The following SLC17A6 variants were observed in gnomAD, a reference collection of about 807,000 sequenced individuals.
SLC17A6 encodes solute carrier family 17 member 6.
Under a neutral mutation model 67.1 loss-of-function variants are expected in SLC17A6, and 35 were observed. That is an observed-to-expected ratio of 0.52 (90% CI 0.40 to 0.69). SLC17A6 has a LOEUF of 0.69. SLC17A6 is among the 30% of genes least tolerant of loss of function. The probability of loss-of-function intolerance (pLI) is 0.00; values close to 1 mark genes in which losing one functional copy is unlikely to be tolerated. For synonymous variants in SLC17A6, 285 were observed against 252.3 expected (o/e 1.13, Z -1.23); for missense variants, 588 against 723.9 (o/e 0.81, Z 2.15).
At chr11:22,363,640 A>G (rs926719922) in intron 6 of SLC17A6, among the ~76,000 whole-genome samples, 2 of 152,176 alleles carry the variant, frequency 1.3e-5, no homozygotes, top group African/African-American at 2.4e-5. Flanking sequence ...AAATGTTCTC[A>G]TCAGAACAAA....
chr11:22,356,327 C>T (rs1309410853), intron 3 of SLC17A6, among the ~76,000 whole-genome samples: 3 of 151,998 alleles, frequency 2.0e-5, no homozygotes, highest in Non-Finnish European at 4.4e-5. Flanking sequence ...TCAATTTTGG[C>T]TGTGTGGCAA....
At chr11:22,350,971 T>C (rs988443190) in intron 3 of SLC17A6, among the ~76,000 whole-genome samples, 3 of 152,212 alleles carry the variant, frequency 2.0e-5, no homozygotes, top group East Asian at 3.9e-4. Context: ...CTGCCTGATA[T>C]TATATAAAAC....
intron 3 of SLC17A6, among the ~76,000 whole-genome samples, chr11:22,355,389 C>A (rs895547831): frequency 4.6e-5 from 7 of 152,116 alleles, no homozygotes; most frequent in Non-Finnish European, 8.8e-5. Context: ...TTTCCCCCCA[C>A]CCTCTTCTAC....
intron 3 of SLC17A6, among the ~76,000 whole-genome samples, chr11:22,349,679 G>A (rs760171618): frequency 6.6e-6 from 1 of 152,178 alleles, no homozygotes; most frequent in Non-Finnish European, 1.5e-5. Context: ...ACTGCCATAT[G>A]CTACCACTGG....
At chr11:22,363,957 T>G (rs183354479) in intron 6 of SLC17A6, among the ~76,000 whole-genome samples, 86 of 152,282 alleles carry the variant, frequency 5.6e-4, no homozygotes, top group South Asian at 1.0e-3. Flanking sequence ...GTCCATTACT[T>G]AAGTGAAGAT....
intron 7 of SLC17A6, among the ~76,000 whole-genome samples, chr11:22,366,900 G>A (rs563011106): frequency 6.7e-6 from 1 of 149,968 alleles, no homozygotes; most frequent in Admixed American, 6.8e-5. Flanking sequence ...CAGCCACTCG[G>A]AAGGCTAAGA....
chr11:22,362,074 A>C (rs944819910), intron 5 of SLC17A6: 2 of 187,538 alleles, frequency 1.1e-5, no homozygotes, highest in African/African-American at 4.8e-5. Flanking sequence ...GTAAAATTCA[A>C]AGAGATATAA....
chr11:22,376,286 C>T (rs1856232163), intron 10 of SLC17A6, among the ~76,000 whole-genome samples, 194 bp downstream of exon 10: 1 of 151,874 alleles, frequency 6.6e-6, no homozygotes, highest in African/African-American at 2.4e-5. Flanking sequence ...TACTCAATTT[C>T]CTCCTGGACT....
At chr11:22,347,228 C>A (rs1203455760) in intron 3 of SLC17A6, among the ~76,000 whole-genome samples, 1 of 145,260 alleles carries the variant, frequency 6.9e-6, no homozygotes, top group African/African-American at 2.6e-5. Flanking sequence ...AATATCACAA[C>A]AAGGTGTTTG....
At chr11:22,356,767 C>T (rs1855996986) in intron 3 of SLC17A6, among the ~76,000 whole-genome samples, 1 of 152,190 alleles carries the variant, frequency 6.6e-6, no homozygotes, top group African/African-American at 2.4e-5. Context: ...ACCCAGGAGG[C>T]AGAAGTTACA....
intron 3 of SLC17A6, among the ~76,000 whole-genome samples, chr11:22,359,015 G>A (rs533901459): frequency 5.8e-4 from 88 of 152,210 alleles, no homozygotes; most frequent in African/African-American, 2.1e-3. Flanking sequence ...TGTGTGTCAG[G>A]CACTGTGCTA....
intron 3 of SLC17A6, among the ~76,000 whole-genome samples, chr11:22,352,250 T>C (rs1855948588): frequency 6.6e-6 from 1 of 152,190 alleles, no homozygotes; most frequent in Admixed American, 6.5e-5. Flanking sequence ...GAGGCCACAC[T>C]GGGTCATGTA....
At chr11:22,361,688 A>G (rs1308729977) in intron 5 of SLC17A6, among the ~76,000 whole-genome samples, 2 of 152,184 alleles carry the variant, frequency 1.3e-5, no homozygotes, top group South Asian at 2.1e-4. Flanking sequence ...TTTGAAGTGT[A>G]GAGCTCTTTC....
Position 22,338,528 on chromosome 11 carries a change from G to T in SLC17A6, c.-6G>T. On this transcript the variant is annotated 5_prime_UTR_variant, in exon 1 of 12. Transcript: ENST00000263160. ...CTGGCAAGAACTGACAACAGTCTTTGCAAGAATGGAATCCGTAAAACAAAG... is the reference window on the plus strand; with the variant it reads ...CTGGCAAGAACTGACAACAGTCTTTTCAAGAATGGAATCCGTAAAACAAAG... 1.2e-6 allele frequency: 2 copies of T among 1,607,628 alleles called. No individual in the cohort carries two copies. The highest frequency in any genetic ancestry group is 1.7e-6 in the Non-Finnish European group (2 of 1,174,526).
chr11:22,370,283 A>C lies in SLC17A6; in HGVS notation c.1041+95A>C. On this transcript the variant is annotated intron_variant, in intron 8 of 11. Coordinates refer to ENST00000263160, the MANE Select transcript of SLC17A6 (RefSeq NM_020346.3). ...CAAAAATTTTTATCTTCTAATTTTC[A>C]GAGATTATTCATTTATTCATTAAAC... 3.9e-6 allele frequency: 4 copies of C among 1,017,834 alleles called. No individual in the cohort carries two copies. The South Asian group carries it at 6.7e-5, about 17-fold the overall frequency. The allele number at this position is 1,017,834 out of a possible 1,614,324, so 63.1% of individuals were successfully genotyped here. A position where few individuals can be genotyped will look rare whatever the true frequency, so the allele number is the denominator to read the frequency against.
At chr11:22,351,186 G>T (rs558369141) in intron 3 of SLC17A6, among the ~76,000 whole-genome samples, 3 of 151,900 alleles carry the variant, frequency 2.0e-5, no homozygotes, top group African/African-American at 7.3e-5. Context: ...CACAAAATTC[G>T]TAATGTACAT....
intron 5 of SLC17A6, chr11:22,362,212 T>C: frequency 6.6e-6 from 3 of 457,342 alleles, no homozygotes; most frequent in Middle Eastern, 6.3e-4. Flanking sequence ...ACGTGATAAC[T>C]TACCTTGATG....
intron 7 of SLC17A6, 129 bp downstream of exon 7, chr11:22,365,818 G>T (rs1856105728): frequency 2.1e-6 from 2 of 972,172 alleles, no homozygotes; most frequent in Admixed American, 5.5e-5. Context: ...TTTTATTTTG[G>T]TCCATCCATA....
intron 3 of SLC17A6, among the ~76,000 whole-genome samples, chr11:22,354,957 G>T (rs1855980838): frequency 6.6e-6 from 1 of 152,150 alleles, no homozygotes; most frequent in Middle Eastern, 3.2e-3. Flanking sequence ...TCAAGCATCA[G>T]ACTAAGTCCT....
Sources: gnomAD v4.1 joint callset for allele counts (sites outside exome capture counted in the v4.1 genomes callset) on GRCh38, gnomAD v4.1.1 for gene constraint, MANE v1.5 for transcripts, NCBI Gene and HGNC (gene_info 2026-07-23, HGNC 2026-07-21) for gene names.